The following THSD7B variants were observed in gnomAD, a reference collection of about 807,000 sequenced individuals.
THSD7B encodes the protein thrombospondin type-1 domain-containing protein 7B.
A neutral mutation model predicts 213.6 loss-of-function variants in THSD7B; 138 were observed. That is an observed-to-expected ratio of 0.65 (90% CI 0.56 to 0.74). THSD7B has a LOEUF of 0.74. Among genes scored for constraint, THSD7B ranks in the 30% least tolerant of loss-of-function variants. The pLI, the probability that THSD7B is intolerant of heterozygous loss-of-function variation, is 0.00. For missense variants in THSD7B, 1,931 were observed against 1,991.5 expected (o/e 0.97, Z 0.58); for synonymous variants, 742 against 687.0 (o/e 1.08, Z -1.25).
intron 19 of THSD7B, 83 bp downstream of exon 19, chr2:137,618,590 A>G: frequency 3.3e-6 from 4 of 1,220,470 alleles, no homozygotes; most frequent in Non-Finnish European, 4.7e-6. Flanking sequence ...TCCAATATAG[A>G]TAACAGACTG....
chr2:136,878,942 T>A (rs1266788287), intron 1 of THSD7B, among the ~76,000 whole-genome samples: 1 of 152,260 alleles, frequency 6.6e-6, no homozygotes, highest in Admixed American at 6.5e-5. Context: ...TTGTCAATTT[T>A]GGCTTTTGTT....
chr2:137,541,957 A>G (rs577385459), intron 15 of THSD7B, among the ~76,000 whole-genome samples: 1 of 151,738 alleles, frequency 6.6e-6, no homozygotes, highest in South Asian at 2.1e-4. Context: ...TCAGAAATCT[A>G]TGGGACATTA....
At position 137,029,078 on chromosome 2, in the gene THSD7B, CT is replaced by C. The variant is rs11443045; in HGVS notation, c.140-27324del. ...AAGCATTTTCTGATGTCTTTGTAAGCTTTTTTTTTTTTTTTTTTGAGAAAGA... is the reference window on the plus strand; with the variant it reads ...AAGCATTTTCTGATGTCTTTGTAAGCTTTTTTTTTTTTTTTTTGAGAAAGA... On this transcript the variant is annotated intron_variant, in intron 2 of 27. Coordinates refer to ENST00000409968, the MANE Select transcript of THSD7B (RefSeq NM_001316349.2). 2.3e-3 allele frequency among the ~76,000 whole-genome samples: 280 copies of C among 120,962 alleles called. 1 individual carries two copies. The highest frequency in any genetic ancestry group is 8.0e-3 in the African/African-American group (254 of 31,718). 79.4% of individuals were successfully genotyped at this position (120,962 alleles called of 152,430 possible).
intron 1 of THSD7B, among the ~76,000 whole-genome samples, chr2:136,804,639 G>A (rs1682252169): frequency 6.6e-6 from 1 of 152,114 alleles, no homozygotes; most frequent in African/African-American, 2.4e-5. Flanking sequence ...TTGTTTGAGA[G>A]CTTTAGGTTG....
chr2:137,427,223 A>G (rs1255763256), intron 14 of THSD7B, among the ~76,000 whole-genome samples: 1 of 152,156 alleles, frequency 6.6e-6, no homozygotes, highest in African/African-American at 2.4e-5. Context: ...ATTATGGAAA[A>G]CAGTATGGAG....
chr2:137,345,401 G>C (rs1684854884), intron 12 of THSD7B, among the ~76,000 whole-genome samples: 1 of 151,644 alleles, frequency 6.6e-6, no homozygotes, highest in African/African-American at 2.4e-5. Context: ...GAAATTTATG[G>C]CAAACCCACA....
intron 10 of THSD7B, among the ~76,000 whole-genome samples, chr2:137,265,096 C>T (rs200780925): frequency 9.9e-5 from 15 of 152,050 alleles, no homozygotes; most frequent in East Asian, 3.9e-4. Context: ...TTTGTTCTTG[C>T]GATAGTTTAC....
intron 26 of THSD7B, among the ~76,000 whole-genome samples, chr2:137,664,957 A>G (rs1683419934): frequency 6.6e-6 from 1 of 152,208 alleles, no homozygotes; most frequent in East Asian, 1.9e-4. Context: ...CATACCAGAA[A>G]TGTCTTGATG....
intron 27 of THSD7B, among the ~76,000 whole-genome samples, chr2:137,671,497 GAA>G (rs1201686647): frequency 1.2e-4 from 1 of 8,338 alleles, no homozygotes; most frequent in Non-Finnish European, 8.9e-4. Context: ...GAGGCCTCAG[GAA>G]ACTTACTTAC....
intron 21 of THSD7B, among the ~76,000 whole-genome samples, chr2:137,646,233 C>T (rs1683028567): frequency 6.6e-6 from 1 of 152,134 alleles, no homozygotes; most frequent in South Asian, 2.1e-4. Flanking sequence ...CACGAGGGCT[C>T]CGCCCTCATG....
intron 12 of THSD7B, among the ~76,000 whole-genome samples, chr2:137,349,894 T>G (rs1388802084): frequency 6.6e-6 from 1 of 151,812 alleles, no homozygotes; most frequent in Non-Finnish European, 1.5e-5. Context: ...AAATCCCAGA[T>G]AAAGCATCAG....
chr2:136,792,902 A>G (rs1183630926), intron 1 of THSD7B, among the ~76,000 whole-genome samples: 1 of 151,998 alleles, frequency 6.6e-6, no homozygotes, highest in East Asian at 1.9e-4. Context: ...CATCCATGTT[A>G]TTGCATTTAT....
At chr2:137,190,641 G>T (rs1558952477) in intron 7 of THSD7B, among the ~76,000 whole-genome samples, 1 of 152,186 alleles carries the variant, frequency 6.6e-6, no homozygotes. Context: ...ATGAGTCACA[G>T]TAACAACTTC....
At chr2:136,921,580 CACTA>C (rs1327716960) in intron 2 of THSD7B, among the ~76,000 whole-genome samples, 7 of 152,080 alleles carry the variant, frequency 4.6e-5, no homozygotes, top group Admixed American at 4.6e-4. Flanking sequence ...TTTCAGGTGT[CACTA>C]ACTATTGACA....
chr2:137,275,141 A>G (rs1157761200), intron 11 of THSD7B, among the ~76,000 whole-genome samples: 1 of 152,110 alleles, frequency 6.6e-6, no homozygotes, highest in South Asian at 2.1e-4. Flanking sequence ...AGTCATAAAA[A>G]TAGAGTTTTG....
At chr2:136,843,088 ATTTT>A (rs58411751) in intron 1 of THSD7B, among the ~76,000 whole-genome samples, 15 of 128,476 alleles carry the variant, frequency 1.2e-4, no homozygotes, top group Admixed American at 1.6e-4. Flanking sequence ...GAGTGGTTTC[ATTTT>A]TTTTTTTTTT....
At chr2:137,585,381 GC>G (rs1234396209) in intron 17 of THSD7B, among the ~76,000 whole-genome samples, 1 of 152,038 alleles carries the variant, frequency 6.6e-6, no homozygotes, top group Admixed American at 6.5e-5. Context: ...CCTTCTGCTA[GC>G]TTTTGAATGT....
intron 15 of THSD7B, among the ~76,000 whole-genome samples, chr2:137,553,844 T>G (rs1680897754): frequency 1.3e-5 from 2 of 152,138 alleles, no homozygotes; most frequent in Non-Finnish European, 1.5e-5. Context: ...CAACGTAAAA[T>G]AGGCAGAGCA....
intron 1 of THSD7B, among the ~76,000 whole-genome samples, chr2:136,776,095 T>C (rs1051687340): frequency 6.6e-6 from 1 of 151,732 alleles, no homozygotes; most frequent in South Asian, 2.1e-4. Context: ...TTTCACAGAG[T>C]TTTTATGGAG....
Sources: allele counts gnomAD v4.1 joint callset (sites outside exome capture counted in the v4.1 genomes callset), GRCh38; gene constraint gnomAD v4.1.1; transcripts MANE v1.5; gene names NCBI Gene and HGNC (gene_info 2026-07-23, HGNC 2026-07-21).